Variants in BCAS3 observed in about 807,000 individuals in gnomAD.
BCAS3 encodes the protein BCAS3 microtubule associated cell migration factor.
In BCAS3, 53 loss-of-function variants were observed where a neutral mutation model predicts 116.1. That is an observed-to-expected ratio of 0.46 (90% CI 0.37 to 0.57). The LOEUF (loss-of-function observed/expected upper bound fraction) is 0.57. BCAS3 is among the 20% of genes least tolerant of loss of function. BCAS3 has a pLI of 0.00. For missense variants in BCAS3, 917 were observed against 1,165.4 expected, an observed-to-expected ratio of 0.79 and a Z score of 3.10; for synonymous variants, 391 against 408.2, an observed-to-expected ratio of 0.96 and a Z score of 0.51.
rs532517366 is a variant in BCAS3, at chr17:61,342,146, G to A, written c.2426-26181G>A. ...AGCCTCCTGAGTAGCTGGGACTACA[G>A]GCATGCACCACCACACCTGGCTAAT... On this transcript the variant is annotated intron_variant, in intron 22 of 23. Transcript: ENST00000407086. Among the ~76,000 whole-genome samples, 273 of 152,290 alleles carry A rather than the reference G, an allele frequency of 1.8e-3. 2 individuals are homozygous for A. The highest frequency in any genetic ancestry group is 3.4e-3 in the Middle Eastern group (1 of 294).
chr17:61,147,238 C>A (rs140359090), intron 22 of BCAS3, among the ~76,000 whole-genome samples: 31 of 152,178 alleles, frequency 2.0e-4, no homozygotes, highest in Middle Eastern at 3.4e-3. Flanking sequence ...CCACACCTAG[C>A]TAATTTTTTG....
intron 9 of BCAS3, among the ~76,000 whole-genome samples, chr17:60,877,997 T>C (rs1370172814): frequency 6.7e-6 from 1 of 149,502 alleles, no homozygotes. Context: ...ATAAGCCCAG[T>C]AATGTCTTTT....
chr17:60,723,424 G>A (rs1408959850), intron 5 of BCAS3, among the ~76,000 whole-genome samples: 1 of 151,778 alleles, frequency 6.6e-6, no homozygotes, highest in African/African-American at 2.4e-5. Context: ...CGGGGTTTTG[G>A]CATGTTGGCC....
intron 6 of BCAS3, among the ~76,000 whole-genome samples, chr17:60,771,898 T>C (rs1395692236): frequency 6.6e-6 from 1 of 152,242 alleles, no homozygotes; most frequent in Non-Finnish European, 1.5e-5. Context: ...TCCTTTTTTA[T>C]GGCTGCATAG....
intron 11 of BCAS3, among the ~76,000 whole-genome samples, chr17:60,902,959 A>G (rs1227078093): frequency 6.6e-6 from 1 of 152,170 alleles, no homozygotes; most frequent in Non-Finnish European, 1.5e-5. Context: ...ATCCCTTTGC[A>G]TCTTTGAACA....
At position 60,951,843 on chromosome 17, in the gene BCAS3, C is replaced by T. The variant is rs559066179; in HGVS notation, c.1221+4491C>T. The stretch of plus-strand genomic sequence containing the variant: ...GGAGTGCAATGGCACAATCGCGGCT[C>T]ACTGCAGCCTCTGTCCTCCCGGGTT... On this transcript the variant is annotated intron_variant, in intron 14 of 23. Coordinates refer to ENST00000407086, the MANE Select transcript of BCAS3 (RefSeq NM_017679.5). 4.1e-5 allele frequency among the ~76,000 whole-genome samples: 6 copies of T among 145,480 alleles called. No individual in the cohort carries two copies. In the East Asian group the frequency reaches 1.2e-3, roughly 30 times the overall value.
intron 5 of BCAS3, among the ~76,000 whole-genome samples, chr17:60,728,848 A>AT (rs1177975621): frequency 1.3e-5 from 2 of 152,182 alleles, no homozygotes; most frequent in South Asian, 2.1e-4. Context: ...TATTTTGGTG[A>AT]TTTTTACTTG....
In BCAS3 at chr17:61,068,274, GAA is replaced by G. The variant is rs1460868572; in HGVS notation, c.2030-6642_2030-6641del. ...TAGTACCTCCATTCGAAGAAAGGTG[GAA>G]AAATTAATCTCAATCAATTATACCA... On this transcript the variant is annotated intron_variant, in intron 19 of 23. Coordinates refer to ENST00000407086, the MANE Select transcript of BCAS3 (RefSeq NM_017679.5). This position sits in a 1 kb window ranked among gnomAD's most constrained non-coding sequence, Gnocchi z 4.3. 6.6e-6 allele frequency among the ~76,000 whole-genome samples: 1 copy of G among 152,052 alleles called. No homozygotes were observed. Among genetic ancestry groups the G allele is most frequent in the Non-Finnish European group, 1.5e-5 (1 of 68,012 alleles).
chr17:60,795,421 C>T (rs2047126355), intron 6 of BCAS3, among the ~76,000 whole-genome samples: 1 of 152,040 alleles, frequency 6.6e-6, no homozygotes, highest in Non-Finnish European at 1.5e-5. Context: ...TTTCTCTCGT[C>T]TGATTGCTCT....
chr17:60,704,993 C>A (rs528742437), intron 4 of BCAS3, among the ~76,000 whole-genome samples: 1 of 152,046 alleles, frequency 6.6e-6, no homozygotes, highest in African/African-American at 2.4e-5. Context: ...CCACATGGAC[C>A]TTTTAAGGCT....
intron 13 of BCAS3, among the ~76,000 whole-genome samples, chr17:60,940,417 C>A (rs778321017): frequency 1.8e-4 from 27 of 152,148 alleles, no homozygotes; most frequent in Non-Finnish European, 1.5e-4. Context: ...CTGCTGTAAG[C>A]TAGTTTATGC....
At chr17:61,050,597 C>G (rs2068769686) in intron 19 of BCAS3, among the ~76,000 whole-genome samples, 1 of 151,782 alleles carries the variant, frequency 6.6e-6, no homozygotes, top group South Asian at 2.1e-4. Flanking sequence ...AATGTTGTAT[C>G]TAATATTCCA....
Position 61,084,576 on chromosome 17 carries a change from C to A in BCAS3, c.2425+12C>A. 6.3e-7 allele frequency: 1 copy of A among 1,593,946 alleles called. No individual in the cohort carries two copies. The highest frequency in any genetic ancestry group is 8.6e-7 in the Non-Finnish European group (1 of 1,161,888). On this transcript the variant is annotated intron_variant, in intron 22 of 23. Coordinates refer to ENST00000407086, the MANE Select transcript of BCAS3 (RefSeq NM_017679.5). The surrounding 1 kb of genome is among the most constrained non-coding windows in gnomAD (Gnocchi z 5.5). Reference sequence around the variant, plus strand: ...TGATGCTGCCTCAGGTAGAAAACCACCTCTGAAATATTTATTGGGCAGTCC... The same window carrying A: ...TGATGCTGCCTCAGGTAGAAAACCAACTCTGAAATATTTATTGGGCAGTCC...
chr17:60,898,026 C>T (rs2057627784), intron 10 of BCAS3, among the ~76,000 whole-genome samples: 1 of 152,036 alleles, frequency 6.6e-6, no homozygotes, highest in Admixed American at 6.6e-5. Context: ...AGGCATGAGC[C>T]ACTGTACCTG....
intron 6 of BCAS3, among the ~76,000 whole-genome samples, chr17:60,789,951 TA>T (rs554110623): frequency 1.1e-3 from 163 of 152,240 alleles, no homozygotes; most frequent in African/African-American, 2.6e-3. Context: ...GAAATGAGAA[TA>T]TTTTTTTTTT....
intron 10 of BCAS3, among the ~76,000 whole-genome samples, chr17:60,898,459 T>C (rs549297742): frequency 6.6e-6 from 1 of 152,296 alleles, no homozygotes; most frequent in African/African-American, 2.4e-5. Flanking sequence ...ATTTTTTTTT[T>C]CTGTATACAT....
At chr17:61,314,417 G>A (rs962769232) in intron 22 of BCAS3, among the ~76,000 whole-genome samples, 2 of 152,192 alleles carry the variant, frequency 1.3e-5, no homozygotes, top group Non-Finnish European at 2.9e-5. Flanking sequence ...AGCAGGCCTG[G>A]GCCTTCACCA....
At chr17:61,078,066 G>A (rs549848181) in intron 20 of BCAS3, among the ~76,000 whole-genome samples, 1 of 152,274 alleles carries the variant, frequency 6.6e-6, no homozygotes, top group East Asian at 1.9e-4. Flanking sequence ...TTGTATATGT[G>A]TGTGAGGTGT....
At chr17:61,018,493 G>C (rs1021595979) in intron 16 of BCAS3, among the ~76,000 whole-genome samples, 2 of 151,732 alleles carry the variant, frequency 1.3e-5, no homozygotes, top group African/African-American at 4.8e-5. Context: ...GTACAGACAG[G>C]GTTTCGCCAT....
Sources: gnomAD v4.1 joint callset for allele counts (sites outside exome capture counted in the v4.1 genomes callset) on GRCh38, gnomAD v4.1.1 for gene constraint, Gnocchi (gnomAD v3.1) non-coding constraint, MANE v1.5 for transcripts, NCBI Gene and HGNC (gene_info 2026-07-23, HGNC 2026-07-21) for gene names.